The following PIP4P1 variants were observed in gnomAD, a reference collection of about 807,000 sequenced individuals.
PIP4P1 encodes phosphatidylinositol-4,5-bisphosphate 4-phosphatase 1, also known as type 1 phosphatidylinositol 4,5-bisphosphate 4-phosphatase.
A neutral mutation model predicts 32.3 loss-of-function variants in PIP4P1; 14 were observed. That is an observed-to-expected ratio of 0.43 (90% CI 0.29 to 0.68). PIP4P1 has a LOEUF of 0.68. Ranked by LOEUF, PIP4P1 falls within the 30% of genes least tolerant of loss-of-function variation. PIP4P1 has a pLI of 0.15. For synonymous variants in PIP4P1, 132 were observed against 137.9 expected, an observed-to-expected ratio of 0.96 and a Z score of 0.30; for missense variants, 289 against 364.5, an observed-to-expected ratio of 0.79 and a Z score of 1.69.
intron 1 of PIP4P1, 130 bp from the exon 2 acceptor site, chr14:20,460,975 A>G: frequency 1.6e-6 from 2 of 1,283,960 alleles, no homozygotes; most frequent in Non-Finnish European, 2.1e-6. Context: ...TGGCACTTCT[A>G]TCAGGTTGCT....
rs868482542 is a variant in PIP4P1 at position 20,458,853 on chromosome 14, G to A, written c.691-151C>T. The A allele has an allele frequency of 1.6e-5, 15 of 926,920 alleles. No homozygotes were observed. The Middle Eastern group carries it at 1.5e-3, about 95-fold the overall frequency. The allele number at this position is 926,920 out of a possible 1,614,324, so 57.4% of individuals were successfully genotyped here. A position where few individuals can be genotyped will look rare whatever the true frequency, so the allele number is the denominator to read the frequency against. ...ACCCTCAGGGACCTTCTTAAAGGCA[G>A]AGCTGATCAGCTTCCTTCCCTTAGG... On this transcript the variant is annotated intron_variant, in intron 6 of 6. Coordinates refer to ENST00000250489, the MANE Select transcript of PIP4P1 (RefSeq NM_144568.4).
At chr14:20,461,080 G>A in intron 1 of PIP4P1, 104 bp downstream of exon 1, 2 of 1,270,128 alleles carry the variant, frequency 1.6e-6, no homozygotes, top group Non-Finnish European at 2.0e-6. Flanking sequence ...CCTGGCGACT[G>A]GGACCCGCCT....
At chr14:20,461,132 C>T (rs1301259312) in intron 1 of PIP4P1, 52 bp downstream of exon 1, 7 of 1,267,124 alleles carry the variant, frequency 5.5e-6, no homozygotes, top group Non-Finnish European at 7.0e-6. Context: ...CAGAGTACCC[C>T]GGGGAGCACC....
At chr14:20,460,888 C>G (rs762624855) in intron 1 of PIP4P1, 43 bp from the exon 2 acceptor site, 6 of 1,501,300 alleles carry the variant, frequency 4.0e-6, no homozygotes, top group East Asian at 4.8e-5. Context: ...ACTTACACCC[C>G]CACTGATGCT....
intron 4 of PIP4P1, 47 bp downstream of exon 4, chr14:20,459,581 G>A: frequency 6.3e-7 from 1 of 1,581,242 alleles, no homozygotes; most frequent in Non-Finnish European, 8.7e-7. Context: ...TACTCGAAAT[G>A]ACTCTTAGTC....
In PIP4P1 at chr14:20,461,283, T is replaced by A. The variant is rs947046547; in HGVS notation, c.43A>T (p.Ile15Phe). Residue 15 changes from isoleucine (I) to phenylalanine (F), a missense_variant, in exon 1 of 7, where the codon ATC becomes TTC. Physicochemically the swap from Ile to Phe is conservative, Grantham distance 21. This residue lies in a region of PIP4P1 where 108 missense variants were observed against 101.2 expected (regional missense o/e 1.07). Transcript: ENST00000250489. ...GERSPLLSEP[I>F]DGGAGGNGLV... is the part of the protein sequence containing the mutation. ...CCGTTGCCGCCCGCGCCACCGTCGA[T>A]GGGCTCAGACAGCAGCGGGGAACGC... is the stretch of plus-strand genomic sequence containing the variant. 1.2e-5 allele frequency: 16 copies of A among 1,290,054 alleles called. No homozygotes were observed. Among genetic ancestry groups the A allele is most frequent in the African/African-American group, 4.5e-5 (3 of 66,060 alleles). 79.9% of individuals were successfully genotyped at this position (1,290,054 alleles called of 1,614,324 possible).
rs761875195 is a variant in PIP4P1, at chr14:20,459,610, C to T, written c.546+18G>A. 4.3e-5 allele frequency: 69 copies of T among 1,607,360 alleles called. 1 individual carries two copies. The highest frequency in any genetic ancestry group is 5.8e-5 in the Non-Finnish European group (68 of 1,174,030). On this transcript the variant is annotated intron_variant, in intron 4 of 6. Coordinates refer to ENST00000250489, the MANE Select transcript of PIP4P1 (RefSeq NM_144568.4). ...CTTAGTCTCCTTTCCCCTCCCCTTC[C>T]CAATACCCCTTCCTCACCAGAAAAG...
At chr14:20,460,081 T>G in intron 3 of PIP4P1, 111 bp downstream of exon 3, 1 of 829,442 alleles carries the variant, frequency 1.2e-6, no homozygotes, top group Non-Finnish European at 2.1e-6. Flanking sequence ...TCAAAGCCTT[T>G]TCTCCTAAAT....
rs1881508101 is a variant in PIP4P1, at chr14:20,458,066, A to G, written c.*493T>C. On this transcript the variant is annotated 3_prime_UTR_variant, in exon 7 of 7. Coordinates refer to ENST00000250489, the MANE Select transcript of PIP4P1 (RefSeq NM_144568.4). Reference sequence around the variant, plus strand: ...CAGTTCCTGTGGTTCTGTACAGAGCAGCGGCTGACCCCACCCCCACAGGAC... The same window carrying G: ...CAGTTCCTGTGGTTCTGTACAGAGCGGCGGCTGACCCCACCCCCACAGGAC... The G allele has an allele frequency of 2.8e-6, 1 of 353,240 alleles. No homozygotes were observed. Among genetic ancestry groups the G allele is most frequent in the Admixed American group, 3.9e-5 (1 of 25,908 alleles). The allele number at this position is 353,240 out of a possible 1,614,324, so 21.9% of individuals were successfully genotyped here.
At chr14:20,458,767 A>G (rs1881576889) in intron 6 of PIP4P1, 65 bp from the exon 7 acceptor site, 17 of 1,553,666 alleles carry the variant, frequency 1.1e-5, no homozygotes, top group African/African-American at 1.4e-5. Context: ...ACTACCTCCT[A>G]TTAGTTCTAA....
chr14:20,460,750 G>C lies in PIP4P1; in HGVS notation c.238C>G (p.Pro80Ala), dbSNP rs1881671223. Residue 80 changes from proline (P) to alanine (A), a missense_variant, in exon 2 of 7, where the codon CCT becomes GCT. By Grantham distance (27) the Pro-to-Ala change is conservative. Coordinates refer to ENST00000250489, the MANE Select transcript of PIP4P1 (RefSeq NM_144568.4). The stretch of plus-strand genomic sequence containing the variant: ...TGGCAGACTCGGCAGGTGATCATAG[G>C]GGCACTCCCACTGTCCGGGCTAGTT... ...PLTSPDSGSA[P>A]MITCRVCQSL... The C allele has an allele frequency of 6.2e-7, 1 of 1,613,300 alleles. No individual in the cohort carries two copies. The highest frequency in any genetic ancestry group is 1.1e-5 in the South Asian group (1 of 91,048).
Position 20,458,046 on chromosome 14 carries a change from CCT to C in PIP4P1, c.*511_*512del. The stretch of plus-strand genomic sequence containing the variant: ...TTAAATAGTTATATACACATCAGTT[CCT>C]GTGGTTCTGTACAGAGCAGCGGCTG... On this transcript the variant is annotated 3_prime_UTR_variant, in exon 7 of 7. Coordinates refer to ENST00000250489, the MANE Select transcript of PIP4P1 (RefSeq NM_144568.4). 1 of 334,650 alleles carries C rather than the reference CCT, an allele frequency of 3.0e-6. No individual in the cohort carries two copies. Among genetic ancestry groups the C allele is most frequent in the East Asian group, 7.7e-5 (1 of 12,948 alleles). 20.7% of individuals were successfully genotyped at this position (334,650 alleles called of 1,614,324 possible).
At chr14:20,460,910 G>C (rs1405517407) in intron 1 of PIP4P1, 65 bp from the exon 2 acceptor site, 5 of 1,475,562 alleles carry the variant, frequency 3.4e-6, no homozygotes, top group Non-Finnish European at 4.5e-6. Context: ...CACGGTGGTA[G>C]GGAAGTCCTT....
chr14:20,458,725 AG>A, intron 6 of PIP4P1, 23 bp from the exon 7 acceptor site: 6 of 1,602,050 alleles, frequency 3.7e-6, no homozygotes, highest in Non-Finnish European at 5.1e-6. Flanking sequence ...AGGAGGGAGA[AG>A]AAAAGAAAGA....
intron 6 of PIP4P1, chr14:20,459,001 G>A: frequency 1.6e-6 from 1 of 639,608 alleles, no homozygotes; most frequent in Non-Finnish European, 2.7e-6. Flanking sequence ...TCATCCTACA[G>A]AGAAAGGAAG....
chr14:20,458,879 C>T (rs1004401409), intron 6 of PIP4P1, 177 bp from the exon 7 acceptor site: 25 of 735,936 alleles, frequency 3.4e-5, no homozygotes, highest in African/African-American at 7.1e-5. Flanking sequence ...TTCCCTTAGG[C>T]GTAACATACT....
chr14:20,458,456 C>G lies in PIP4P1; in HGVS notation c.*103G>C. 3 of 1,555,116 alleles carry G rather than the reference C, an allele frequency of 1.9e-6. No individual in the cohort carries two copies. Among genetic ancestry groups the G allele is most frequent in the Non-Finnish European group, 2.6e-6 (3 of 1,141,546 alleles). ...AGGGAAAAGGAAGGCAGCTGCTTGG[C>G]TTCCTTCTAGAAGCCCCGGGAGCCT... On this transcript the variant is annotated 3_prime_UTR_variant, in exon 7 of 7. Transcript: ENST00000250489.
In PIP4P1 at chr14:20,457,869, C is replaced by T. The variant is rs147037164; in HGVS notation, c.*690G>A. On this transcript the variant is annotated 3_prime_UTR_variant, in exon 7 of 7. Coordinates refer to ENST00000250489, the MANE Select transcript of PIP4P1 (RefSeq NM_144568.4). ...CAACTGAAAAAGCGTAGAGTCATGACCTTATTTATTTACAAGCACAGGATA... is the reference window on the plus strand; with the variant it reads ...CAACTGAAAAAGCGTAGAGTCATGATCTTATTTATTTACAAGCACAGGATA... 4.1e-5 allele frequency: 15 copies of T among 362,728 alleles called. No individual in the cohort carries two copies. The highest frequency in any genetic ancestry group is 2.5e-4 in the African/African-American group (12 of 47,402). 22.5% of individuals were successfully genotyped at this position (362,728 alleles called of 1,614,324 possible). A position where few individuals can be genotyped will look rare whatever the true frequency, so the allele number is the denominator to read the frequency against.
chr14:20,459,577 A>C (rs745828280), intron 4 of PIP4P1, 51 bp downstream of exon 4: 1 of 1,581,726 alleles, frequency 6.3e-7, no homozygotes, highest in South Asian at 1.1e-5. Flanking sequence ...AATATACTCG[A>C]AATGACTCTT....
Sources: gnomAD v4.1 joint callset for allele counts on GRCh38, gnomAD v4.1.1 for gene constraint, gnomAD v4.1.1 regional missense constraint, MANE v1.5 for transcripts, NCBI Gene and HGNC (gene_info 2026-07-23, HGNC 2026-07-21) for gene names.